Variants in SDK1 observed in about 807,000 individuals in gnomAD.
The protein encoded by SDK1 is protein sidekick-1.
A neutral mutation model predicts 245.5 loss-of-function variants in SDK1; 157 were observed. The observed-to-expected ratio is 0.64, with a 90% CI of 0.56 to 0.73. The LOEUF is 0.73. Among genes scored for constraint, SDK1 ranks in the 30% least tolerant of loss-of-function variants. The pLI, the probability that SDK1 is intolerant of heterozygous loss-of-function variation, is 0.00. For missense variants in SDK1, 3,583 were observed against 3,002.3 expected, an observed-to-expected ratio of 1.19 and a Z score of -4.52; for synonymous variants, 1,647 against 1,278.5, an observed-to-expected ratio of 1.29 and a Z score of -6.15.
chr7:3,702,102 C>T (rs1225723848), intron 4 of SDK1, among the ~76,000 whole-genome samples: 1 of 151,930 alleles, frequency 6.6e-6, no homozygotes, highest in African/African-American at 2.4e-5. Flanking sequence ...AGACATGACA[C>T]CAGAGACACA....
At chr7:3,993,969 C>T (rs1437229064) in intron 14 of SDK1, among the ~76,000 whole-genome samples, 1 of 152,300 alleles carries the variant, frequency 6.6e-6, no homozygotes, top group Admixed American at 6.5e-5. Flanking sequence ...TCCTTGTTCC[C>T]AGGACTTGGC....
chr7:4,221,207 G>C lies in SDK1; in HGVS notation c.5702-32G>C, dbSNP rs555641908. ...GGGATGTGAGCCCCGCAGGGCTGAT[G>C]CCTCACCTCTCTTTTCTTCTTTATC... is the stretch of plus-strand genomic sequence containing the variant. On this transcript the variant is annotated intron_variant, in intron 39 of 44. Coordinates refer to ENST00000404826, the MANE Select transcript of SDK1 (RefSeq NM_152744.4). The C allele has an allele frequency of 3.7e-6, 6 of 1,610,422 alleles. No individual in the cohort carries two copies. The East Asian group carries it at 1.3e-4, about 36-fold the overall frequency.
At chr7:3,922,784 G>C (rs1779638761) in intron 5 of SDK1, among the ~76,000 whole-genome samples, 1 of 152,172 alleles carries the variant, frequency 6.6e-6, no homozygotes, top group South Asian at 2.1e-4. Flanking sequence ...TTTATTTGAA[G>C]ATGCAAATCT....
intron 39 of SDK1, 141 bp downstream of exon 39, chr7:4,220,411 G>A: frequency 1.2e-6 from 1 of 847,092 alleles, no homozygotes. Flanking sequence ...GGATGTCTGG[G>A]CAACATGGAC....
intron 5 of SDK1, among the ~76,000 whole-genome samples, chr7:3,845,675 C>A (rs1780260288): frequency 6.6e-6 from 1 of 150,580 alleles, no homozygotes; most frequent in Admixed American, 6.6e-5. Flanking sequence ...AGAGAGAATT[C>A]TCTCCACGTG....
At chr7:3,928,715 T>C (rs1779866173) in intron 5 of SDK1, among the ~76,000 whole-genome samples, 2 of 152,180 alleles carry the variant, frequency 1.3e-5, no homozygotes, top group African/African-American at 4.8e-5. Context: ...TCCCCTAATC[T>C]GCCCCTAGGA....
intron 1 of SDK1, among the ~76,000 whole-genome samples, chr7:3,535,621 A>G (rs949257072): frequency 1.3e-5 from 2 of 152,072 alleles, no homozygotes; most frequent in Admixed American, 6.5e-5. Flanking sequence ...GCATCCTTAT[A>G]TTTGTAATAT....
intron 15 of SDK1, among the ~76,000 whole-genome samples, chr7:4,011,437 G>T (rs1406128206): frequency 6.6e-6 from 1 of 152,172 alleles, no homozygotes; most frequent in Non-Finnish European, 1.5e-5. Flanking sequence ...CGTGTTCTTT[G>T]TCCACCCCAC....
At chr7:3,602,518 G>C (rs1781285261) in intron 1 of SDK1, among the ~76,000 whole-genome samples, 1 of 151,928 alleles carries the variant, frequency 6.6e-6, no homozygotes, top group Non-Finnish European at 1.5e-5. Flanking sequence ...CTTTTTGATG[G>C]GGTTGTTTGT....
intron 1 of SDK1, among the ~76,000 whole-genome samples, chr7:3,311,225 G>T (rs1283024842): frequency 6.6e-6 from 1 of 152,044 alleles, no homozygotes; most frequent in African/African-American, 2.4e-5. Flanking sequence ...GTTAGGGAAT[G>T]GTTATGATAA....
chr7:3,614,925 T>TC (rs1562603749), intron 1 of SDK1, among the ~76,000 whole-genome samples: 1 of 147,170 alleles, frequency 6.8e-6, no homozygotes, highest in African/African-American at 2.4e-5. Flanking sequence ...GCTTTTTTTT[T>TC]CCTACCAGCT....
intron 8 of SDK1, 56 bp from the exon 9 acceptor site, chr7:3,962,601 C>T (rs532573396): frequency 1.4e-6 from 2 of 1,400,048 alleles, no homozygotes; most frequent in East Asian, 2.4e-5. Context: ...AGATGTGCTT[C>T]AGTTCTCACG....
rs1292199670 is a variant in SDK1, at chr7:3,418,145, G to GCAAAAAAAAAAAAAAAAAAAAAAAAAA, written c.298+116261_298+116262insCAAAAAAAAAAAAAAAAAAAAAAAAAA. On this transcript the variant is annotated intron_variant, in intron 1 of 44. Transcript: ENST00000404826. ...GTGAAACCCGATCTCTACTAAAAAT[G>GCAAAAAAAAAAAAAAAAAAAAAAAAAA]AAAAAAAAAAAAAAAAAAAAAAATA... Among the ~76,000 whole-genome samples, 9 of 119,728 alleles carry GCAAAAAAAAAAAAAAAAAAAAAAAAAA rather than the reference G, an allele frequency of 7.5e-5. 1 individual carries two copies. The highest frequency in any genetic ancestry group is 2.7e-4 in the African/African-American group (7 of 25,784). The allele number at this position is 119,728 out of a possible 152,430, so 78.5% of individuals were successfully genotyped here. A position where few individuals can be genotyped will look rare whatever the true frequency, so the allele number is the denominator to read the frequency against.
chr7:3,714,395 T>A (rs534057425), intron 4 of SDK1, among the ~76,000 whole-genome samples: 1 of 152,344 alleles, frequency 6.6e-6, no homozygotes, highest in East Asian at 1.9e-4. Flanking sequence ...TTATCTTTTT[T>A]ACTCTCTTTT....
At chr7:3,534,995 G>A in intron 1 of SDK1, among the ~76,000 whole-genome samples, 1 of 152,090 alleles carries the variant, frequency 6.6e-6, no homozygotes, top group East Asian at 1.9e-4. Context: ...CTGTGTAAAT[G>A]TCATGCAGTG....
chr7:3,874,317 C>A (rs1277158328), intron 5 of SDK1, among the ~76,000 whole-genome samples: 1 of 152,216 alleles, frequency 6.6e-6, no homozygotes, highest in Non-Finnish European at 1.5e-5. Context: ...GACTTTGAGT[C>A]TTCTCTTTGC....
chr7:3,655,503 A>ATATATATGTG (rs1562634481), intron 4 of SDK1, among the ~76,000 whole-genome samples: 2 of 62,772 alleles, frequency 3.2e-5, no homozygotes, highest in Admixed American at 1.8e-4. Flanking sequence ...ATATATATAT[A>ATATATATGTG]TGTATGTATG....
chr7:4,209,328 G>A (rs549690516), intron 37 of SDK1, among the ~76,000 whole-genome samples: 3 of 152,294 alleles, frequency 2.0e-5, no homozygotes, highest in Non-Finnish European at 2.9e-5. Context: ...TCTGAGCAGC[G>A]AGGGGCACCA....
At chr7:3,735,897 A>T (rs1326942591) in intron 4 of SDK1, among the ~76,000 whole-genome samples, 1 of 151,920 alleles carries the variant, frequency 6.6e-6, no homozygotes, top group Non-Finnish European at 1.5e-5. Context: ...AGATGAACCT[A>T]CTCTCTCATT....
Sources: allele counts gnomAD v4.1 joint callset (sites outside exome capture counted in the v4.1 genomes callset), GRCh38; gene constraint gnomAD v4.1.1; transcripts MANE v1.5; gene names NCBI Gene and HGNC (gene_info 2026-07-23, HGNC 2026-07-21).